Variants in ANKRD44 observed in about 807,000 individuals in gnomAD.
ANKRD44 encodes ankyrin repeat domain 44, also known as serine/threonine-protein phosphatase 6 regulatory ankyrin repeat subunit B.
In ANKRD44, 35 loss-of-function variants were observed where a neutral mutation model predicts 116.0. The observed-to-expected ratio is 0.30, with a 90% CI of 0.23 to 0.40. The LOEUF is 0.40. ANKRD44 is among the 10% of genes least tolerant of loss of function. The pLI, the probability that ANKRD44 is intolerant of heterozygous loss-of-function variation, is 1.00. For missense variants in ANKRD44, 1,014 were observed against 1,242.6 expected (o/e 0.82, Z 2.77); for synonymous variants, 435 against 461.8 (o/e 0.94, Z 0.74).
chr2:197,010,940 C>T (rs1022530403), intron 18 of ANKRD44, among the ~76,000 whole-genome samples: 2 of 152,208 alleles, frequency 1.3e-5, no homozygotes, highest in African/African-American at 4.8e-5. Context: ...AATTAGCTTG[C>T]ATTCATCAAC....
intron 11 of ANKRD44, among the ~76,000 whole-genome samples, chr2:197,089,318 A>G (rs1214961575): frequency 6.6e-6 from 1 of 152,232 alleles, no homozygotes; most frequent in Non-Finnish European, 1.5e-5. Flanking sequence ...GAATTAATTC[A>G]TAAACAATCT....
At chr2:197,211,321 T>A (rs1262668384) in intron 1 of ANKRD44, among the ~76,000 whole-genome samples, 1 of 152,158 alleles carries the variant, frequency 6.6e-6, no homozygotes, top group Non-Finnish European at 1.5e-5. Flanking sequence ...CAGGAAGAGA[T>A]GGCAAGTAAC....
chr2:197,030,726 C>CT (rs112849726), intron 16 of ANKRD44, among the ~76,000 whole-genome samples: 72 of 148,376 alleles, frequency 4.9e-4, no homozygotes, highest in East Asian at 7.9e-4. Flanking sequence ...AAAAATAAAA[C>CT]TTTTTTTTTT....
intron 1 of ANKRD44, among the ~76,000 whole-genome samples, chr2:197,275,805 T>C (rs2083063849): frequency 6.6e-6 from 1 of 152,152 alleles, no homozygotes; most frequent in South Asian, 2.1e-4. Flanking sequence ...CTTTTCATGG[T>C]GGATTGGCCC....
intron 17 of ANKRD44, among the ~76,000 whole-genome samples, chr2:197,018,972 A>G (rs921797452): frequency 5.9e-5 from 9 of 152,322 alleles, no homozygotes; most frequent in Non-Finnish European, 7.3e-5. Context: ...TTCTGAACCC[A>G]GAATCTGTCA....
chr2:197,006,024 G>A, intron 20 of ANKRD44, 114 bp from the exon 21 acceptor site: 1 of 911,820 alleles, frequency 1.1e-6, no homozygotes, highest in East Asian at 2.5e-5. Flanking sequence ...GGTCTTTAAG[G>A]AAGGCAGACT....
At chr2:197,004,201 T>C (rs1361423075) in intron 21 of ANKRD44, among the ~76,000 whole-genome samples, 2 of 152,200 alleles carry the variant, frequency 1.3e-5, no homozygotes, top group African/African-American at 2.4e-5. Context: ...GTTTTGTTCA[T>C]TGACATATTT....
chr2:196,970,517 T>G (rs984784132), intron 21 of ANKRD44, among the ~76,000 whole-genome samples: 2 of 152,212 alleles, frequency 1.3e-5, no homozygotes, highest in Non-Finnish European at 2.9e-5. Context: ...TCTTCATTAC[T>G]CTTTAGCTAT....
intron 19 of ANKRD44, 32 bp from the exon 20 acceptor site, chr2:197,007,955 A>G (rs1348845481): frequency 1.3e-6 from 2 of 1,498,192 alleles, no homozygotes; most frequent in Admixed American, 1.7e-5. Context: ...GCTTTTAAAA[A>G]GGAGATTTAA....
chr2:197,216,166 T>A (rs1243473694), intron 1 of ANKRD44, among the ~76,000 whole-genome samples: 3 of 152,190 alleles, frequency 2.0e-5, no homozygotes, highest in African/African-American at 7.2e-5. Context: ...GTGAAGATAC[T>A]GGGTACAAAG....
chr2:197,059,057 C>G (rs904287210), intron 16 of ANKRD44, among the ~76,000 whole-genome samples: 18 of 152,138 alleles, frequency 1.2e-4, no homozygotes, highest in Admixed American at 4.6e-4. Flanking sequence ...CCCAGGCTAC[C>G]CTGAATTATA....
intron 16 of ANKRD44, chr2:197,030,040 T>C (rs896704911): frequency 3.1e-5 from 5 of 160,634 alleles, no homozygotes; most frequent in Admixed American, 6.5e-5. Context: ...GCCAGAACGA[T>C]GAGTCCCATC....
At chr2:197,216,610 C>G (rs1179201413) in intron 1 of ANKRD44, among the ~76,000 whole-genome samples, 1 of 152,136 alleles carries the variant, frequency 6.6e-6, no homozygotes, top group East Asian at 1.9e-4. Context: ...GGGAGGAGAG[C>G]AAGGGTGGCC....
chr2:197,072,075 G>GAAGGAAGA (rs1388568344), intron 16 of ANKRD44, among the ~76,000 whole-genome samples: 34 of 151,038 alleles, frequency 2.3e-4, no homozygotes, highest in African/African-American at 7.8e-4. Flanking sequence ...AGGAAGGAAG[G>GAAGGAAGA]AAGGAAGGAA....
intron 16 of ANKRD44, among the ~76,000 whole-genome samples, chr2:197,043,713 A>G (rs2076952351): frequency 6.6e-6 from 1 of 152,178 alleles, no homozygotes; most frequent in African/African-American, 2.4e-5. Flanking sequence ...GGGGGAGACT[A>G]AACTACCTTT....
Position 196,995,383 on chromosome 2 carries a change from G to C in ANKRD44, c.2827C>G (p.Gln943Glu), listed in dbSNP as rs147204497. Reference protein sequence around the residue: ...SLINEKNNALQTPLHVAARNG... With the variant: ...SLINEKNNALETPLHVAARNG... ...AACTTTAGTAGTTACACTTACGTCT[G>C]CAGTGCATTATTTTTTTCATTAATA... The change falls in exon 26 of 28, where the codon CAG becomes GAG. Residue 943 changes from glutamine (Q) to glutamate (E), a missense_variant. Physicochemically the swap from Gln to Glu is conservative, Grantham distance 29. Transcript: ENST00000282272. The C allele has an allele frequency of 6.2e-7, 1 of 1,609,486 alleles. No homozygotes were observed. Among genetic ancestry groups the C allele is most frequent in the African/African-American group, 1.3e-5 (1 of 74,794 alleles).
intron 4 of ANKRD44, among the ~76,000 whole-genome samples, chr2:197,127,883 C>T (rs968084419): frequency 6.6e-6 from 1 of 152,130 alleles, no homozygotes; most frequent in Non-Finnish European, 1.5e-5. Context: ...CTGTTCTCAT[C>T]GTTCAGCTCC....
At chr2:197,106,662 C>A (rs542259609) in intron 9 of ANKRD44, among the ~76,000 whole-genome samples, 1 of 151,274 alleles carries the variant, frequency 6.6e-6, no homozygotes. Context: ...TGGTGGCAGG[C>A]GCATGTAGTC....
At chr2:196,998,557 G>A in intron 24 of ANKRD44, 138 bp from the exon 25 acceptor site, 2 of 709,834 alleles carry the variant, frequency 2.8e-6, no homozygotes, top group Non-Finnish European at 4.7e-6. Flanking sequence ...AAAGAAAAAA[G>A]GGAGTAATTT....
Sources: gnomAD v4.1 joint callset for allele counts (sites outside exome capture counted in the v4.1 genomes callset) on GRCh38, gnomAD v4.1.1 for gene constraint, MANE v1.5 for transcripts, NCBI Gene and HGNC (gene_info 2026-07-23, HGNC 2026-07-21) for gene names.